Variants in KIF15 observed in about 807,000 individuals in gnomAD.
The protein encoded by KIF15 is kinesin-like protein KIF15.
Under a neutral mutation model 190.6 loss-of-function variants are expected in KIF15, and 140 were observed. That is an observed-to-expected ratio of 0.73 (90% confidence interval 0.64 to 0.84). The LOEUF (loss-of-function observed/expected upper bound fraction) is 0.84, where lower values mean the gene tolerates loss of function less well. Ranked by LOEUF, KIF15 falls within the 40% of genes least tolerant of loss-of-function variation. KIF15 has a pLI of 0.00. For missense variants in KIF15, 1,372 were observed against 1,584.4 expected, an observed-to-expected ratio of 0.87 and a Z score of 2.28; for synonymous variants, 528 against 551.3, an observed-to-expected ratio of 0.96 and a Z score of 0.59.
chr3:44,846,179 G>T (rs1392104857), intron 30 of KIF15, among the ~76,000 whole-genome samples: 1 of 152,204 alleles, frequency 6.6e-6, no homozygotes, highest in East Asian at 1.9e-4. Flanking sequence ...AGGAGAGCCA[G>T]AGAAGTGACA....
chr3:44,799,054 G>A, intron 10 of KIF15: 1 of 343,288 alleles, frequency 2.9e-6, no homozygotes, highest in Non-Finnish European at 5.7e-6. Context: ...CTAGTAAGAT[G>A]AGGAGGAAAA....
chr3:44,810,955 T>G lies in KIF15; in HGVS notation c.2081T>G (p.Leu694Ter), dbSNP rs1193304573. The change falls in exon 17 of 35, where the codon TTA becomes TGA. Residue 694 changes from leucine (L) to a stop codon, truncating the protein, a stop_gained. Coordinates refer to ENST00000326047, the MANE Select transcript of KIF15 (RefSeq NM_020242.3). LOFTEE classifies it high-confidence loss of function. ...CTATACACTCAGAATTCTAGCATATTAGATAATGATATATTAAATGAGCCA... is the reference window on the plus strand; with the variant it reads ...CTATACACTCAGAATTCTAGCATATGAGATAATGATATATTAAATGAGCCA... Reference protein sequence around the residue: ...GSLYTQNSSILDNDILNEPVP... With the variant: ...GSLYTQNSSI 6.2e-7 allele frequency: 1 copy of G among 1,613,354 alleles called. No homozygotes were observed. The highest frequency in any genetic ancestry group is 8.5e-7 in the Non-Finnish European group (1 of 1,179,702).
At chr3:44,860,377 G>T (rs774077458) in intron 6 of KIF15, among the ~76,000 whole-genome samples, 1 of 151,478 alleles carries the variant, frequency 6.6e-6, no homozygotes, top group Non-Finnish European at 1.5e-5. Context: ...GAAATTATCC[G>T]TGTTTTTTTT....
At chr3:44,866,389 T>C (rs1193714366) in intron 6 of KIF15, among the ~76,000 whole-genome samples, 1 of 152,172 alleles carries the variant, frequency 6.6e-6, no homozygotes, top group African/African-American at 2.4e-5. Flanking sequence ...TCTTTTTGTA[T>C]CTTAGACCAT....
intron 1 of KIF15, among the ~76,000 whole-genome samples, chr3:44,773,003 C>T (rs1042860893): frequency 6.6e-6 from 1 of 152,054 alleles, no homozygotes; most frequent in Non-Finnish European, 1.5e-5. Flanking sequence ...CTGACAGAGC[C>T]ATACAGAAAG....
At chr3:44,845,953 C>G (rs1698829634) in intron 30 of KIF15, among the ~76,000 whole-genome samples, 1 of 152,234 alleles carries the variant, frequency 6.6e-6, no homozygotes. Flanking sequence ...TAAAAGCTTT[C>G]CCTTTCCCCA....
chr3:44,801,219 G>T (rs982742172), intron 11 of KIF15, among the ~76,000 whole-genome samples: 7 of 149,992 alleles, frequency 4.7e-5, no homozygotes, highest in African/African-American at 1.2e-4. Flanking sequence ...GGGAGGGGGG[G>T]GTCTCACCAT....
intron 6 of KIF15, among the ~76,000 whole-genome samples, chr3:44,858,896 C>T (rs1056523115): frequency 2.6e-5 from 4 of 152,224 alleles, no homozygotes; most frequent in African/African-American, 7.2e-5. Context: ...GCTCGGTGTC[C>T]GTGACGGTCC....
chr3:44,814,318 G>T (rs1397387145), intron 19 of KIF15, among the ~76,000 whole-genome samples: 1 of 151,718 alleles, frequency 6.6e-6, no homozygotes, highest in Non-Finnish European at 1.5e-5. Context: ...TTGTTTGTTT[G>T]TTTGTTTTGA....
intron 6 of KIF15, chr3:44,865,022 G>C: frequency 6.2e-7 from 1 of 1,613,804 alleles, no homozygotes; most frequent in African/African-American, 1.3e-5. Context: ...GTCCCTCACA[G>C]CTATCTTTGT....
chr3:44,796,117 C>A (rs952216392), intron 8 of KIF15, among the ~76,000 whole-genome samples: 1 of 152,208 alleles, frequency 6.6e-6, no homozygotes, highest in African/African-American at 2.4e-5. Context: ...CCCTCCTTGG[C>A]CTCCCAAAGT....
chr3:44,797,411 T>C lies in KIF15; in HGVS notation c.850-140T>C, dbSNP rs895457641. The C allele has an allele frequency of 3.9e-6, 3 of 764,538 alleles. No homozygotes were observed. The Admixed American group carries it at 8.3e-5, about 21-fold the overall frequency. The allele number at this position is 764,538 out of a possible 1,614,324, so 47.4% of individuals were successfully genotyped here. Reference sequence around the variant, plus strand: ...TAGTTCAGCACTTCTTTTTTATTTGTTGAATAGTTGTTCTTTATTAACATT... The same window carrying C: ...TAGTTCAGCACTTCTTTTTTATTTGCTGAATAGTTGTTCTTTATTAACATT... On this transcript the variant is annotated intron_variant, in intron 8 of 34. Coordinates refer to ENST00000326047, the MANE Select transcript of KIF15 (RefSeq NM_020242.3).
intron 1 of KIF15, among the ~76,000 whole-genome samples, chr3:44,772,814 G>A (rs1705699224): frequency 6.6e-6 from 1 of 152,210 alleles, no homozygotes; most frequent in African/African-American, 2.4e-5. Flanking sequence ...GGCCACCATT[G>A]TAAAATGGCA....
chr3:44,781,444 A>G (rs1338489091), intron 5 of KIF15, among the ~76,000 whole-genome samples: 1 of 152,238 alleles, frequency 6.6e-6, no homozygotes, highest in African/African-American at 2.4e-5. Context: ...TCGTATGAAT[A>G]TACTACACAT....
In KIF15 at chr3:44,805,106, G is replaced by A; in HGVS notation, c.1767G>A (p.Leu589=). 1 of 1,613,818 alleles carries A rather than the reference G, an allele frequency of 6.2e-7. No homozygotes were observed. Among genetic ancestry groups the A allele is most frequent in the South Asian group, 1.1e-5 (1 of 91,048 alleles). Residue 589 remains leucine, a synonymous_variant, in exon 15 of 35, where the codon CTG becomes CTA. Coordinates refer to ENST00000326047, the MANE Select transcript of KIF15 (RefSeq NM_020242.3). ...ANTEKLKAQL[L]QIQTELNNSK... is the part of the protein sequence containing the mutation. ...CTGAGAAGTTAAAAGCACAACTCCT[G>A]CAAATTCAGACAGAGCTGAATAATT...
At chr3:44,811,902 A>G (rs1707802766) in intron 17 of KIF15, among the ~76,000 whole-genome samples, 1 of 152,184 alleles carries the variant, frequency 6.6e-6, no homozygotes. Flanking sequence ...TGGCTCTGTC[A>G]TGTAATCCAG....
At chr3:44,805,248 T>C (rs1707443206) in intron 15 of KIF15, 80 bp downstream of exon 15, 1 of 1,349,738 alleles carries the variant, frequency 7.4e-7, no homozygotes, top group African/African-American at 1.5e-5. Flanking sequence ...GATAATTCAA[T>C]TGGGCATTTT....
intron 25 of KIF15, 54 bp downstream of exon 25, chr3:44,830,129 CT>C (rs1480730870): frequency 3.2e-6 from 3 of 927,798 alleles, no homozygotes; most frequent in Non-Finnish European, 4.8e-6. Flanking sequence ...ACTTCACAGA[CT>C]TTTCAAGAGT....
At chr3:44,770,260 A>T (rs888737217) in intron 1 of KIF15, among the ~76,000 whole-genome samples, 4 of 152,230 alleles carry the variant, frequency 2.6e-5, no homozygotes, top group African/African-American at 9.6e-5. Flanking sequence ...CTTTGGTCTT[A>T]TACTTGGCTT....
Sources: allele counts gnomAD v4.1 joint callset (sites outside exome capture counted in the v4.1 genomes callset), GRCh38; gene constraint gnomAD v4.1.1; transcripts MANE v1.5; gene names NCBI Gene and HGNC (gene_info 2026-07-23, HGNC 2026-07-21).